SHANK2: variants seen among roughly 807,000 people sequenced by gnomAD.
SHANK2 encodes SH3 and multiple ankyrin repeat domains protein 2.
SHANK2 carries 43 observed loss-of-function variants against 133.7 expected under a neutral mutation model. The observed-to-expected ratio is 0.32, with a 90% CI of 0.25 to 0.41. The LOEUF (loss-of-function observed/expected upper bound fraction) is 0.41, where lower values mean the gene tolerates loss of function less well. SHANK2 is among the 10% of genes least tolerant of loss of function. The probability of loss-of-function intolerance (pLI) is 1.00; values close to 1 mark genes in which losing one functional copy is unlikely to be tolerated. For missense variants in SHANK2, 1,994 were observed against 2,235.8 expected (o/e 0.89, Z 2.18); for synonymous variants, 1,017 against 952.8 (o/e 1.07, Z -1.24).
chr11:70,572,784 G>A (rs782734467), intron 17 of SHANK2, among the ~76,000 whole-genome samples: 15 of 152,190 alleles, frequency 9.9e-5, no homozygotes, highest in Admixed American at 6.5e-4. Context: ...AGGCTGACCC[G>A]CCACACGTGG....
chr11:70,749,800 A>G (rs562531704), intron 14 of SHANK2, among the ~76,000 whole-genome samples: 1 of 152,364 alleles, frequency 6.6e-6, no homozygotes, highest in East Asian at 1.9e-4. Flanking sequence ...CATTTGTCTA[A>G]TCTGAAGAAG....
chr11:71,144,245 T>A (rs1555106311), intron 3 of SHANK2, among the ~76,000 whole-genome samples: 1 of 152,158 alleles, frequency 6.6e-6, no homozygotes, highest in Non-Finnish European at 1.5e-5. Flanking sequence ...CACACATAAC[T>A]AGCTACTCAT....
At chr11:70,722,902 G>C (rs1314896274) in intron 14 of SHANK2, among the ~76,000 whole-genome samples, 1 of 152,218 alleles carries the variant, frequency 6.6e-6, no homozygotes, top group East Asian at 1.9e-4. Flanking sequence ...TGAAAAAGAG[G>C]GTTTTGAAAT....
At chr11:71,079,906 G>C in intron 8 of SHANK2, among the ~76,000 whole-genome samples, 1 of 92,846 alleles carries the variant, frequency 1.1e-5, no homozygotes, top group African/African-American at 3.9e-5. Context: ...GAAGGGGAGG[G>C]GAGGGGAAGG....
intron 17 of SHANK2, among the ~76,000 whole-genome samples, chr11:70,555,640 C>T (rs933877697): frequency 7.9e-5 from 12 of 152,192 alleles, no homozygotes; most frequent in Non-Finnish European, 1.6e-4. Context: ...GGCAGTGGAT[C>T]ACTTCAGTGC....
At chr11:71,134,004 G>A (rs531508912) in intron 3 of SHANK2, among the ~76,000 whole-genome samples, 1 of 150,820 alleles carries the variant, frequency 6.6e-6, no homozygotes, top group African/African-American at 2.4e-5. Flanking sequence ...TGAGTAGCTG[G>A]GATTACAGTT....
intron 2 of SHANK2, among the ~76,000 whole-genome samples, chr11:71,201,061 G>C (rs1310109830): frequency 6.6e-6 from 1 of 152,096 alleles, no homozygotes; most frequent in Non-Finnish European, 1.5e-5. Flanking sequence ...AGCCATCAAA[G>C]AGACAGACAC....
intron 10 of SHANK2, among the ~76,000 whole-genome samples, chr11:70,932,333 T>A (rs1323560034): frequency 6.6e-6 from 1 of 152,216 alleles, no homozygotes; most frequent in African/African-American, 2.4e-5. Flanking sequence ...AAGCAAGCCC[T>A]CATCTTAGAC....
chr11:70,545,009 A>G (rs1452946430), intron 17 of SHANK2, among the ~76,000 whole-genome samples: 2 of 152,116 alleles, frequency 1.3e-5, no homozygotes, highest in African/African-American at 4.8e-5. Flanking sequence ...CTTCTCTCAC[A>G]TGCCAAGCAC....
chr11:70,524,492 C>G (rs1422925565), intron 17 of SHANK2, among the ~76,000 whole-genome samples: 1 of 152,226 alleles, frequency 6.6e-6, no homozygotes, highest in East Asian at 1.9e-4. Context: ...TTCCTTTGCT[C>G]CACATTGATC....
chr11:70,949,502 T>C (rs7396275), intron 10 of SHANK2, among the ~76,000 whole-genome samples: 32,479 of 152,226 alleles, frequency 0.21, 3,724 homozygotes, highest in Middle Eastern at 0.31. Context: ...AAACCTGAGA[T>C]GGACCAGAAT....
At chr11:70,951,241 A>G (rs184798306) in intron 10 of SHANK2, among the ~76,000 whole-genome samples, 5 of 147,570 alleles carry the variant, frequency 3.4e-5, no homozygotes, top group African/African-American at 1.3e-4. Context: ...TCATAAATTC[A>G]TTTCCCCTGG....
At chr11:70,745,294 A>G (rs782448750) in intron 14 of SHANK2, among the ~76,000 whole-genome samples, 2 of 152,046 alleles carry the variant, frequency 1.3e-5, no homozygotes, top group Non-Finnish European at 2.9e-5. Context: ...TTGCCACAGC[A>G]AGCTCGTGAT....
chr11:71,096,587 C>T (rs1373633461), intron 6 of SHANK2, among the ~76,000 whole-genome samples: 1 of 152,152 alleles, frequency 6.6e-6, no homozygotes, highest in Admixed American at 6.5e-5. Flanking sequence ...AGGGAAGTGA[C>T]TGATCCTCGA....
chr11:70,586,317 C>A (rs1331979625), intron 17 of SHANK2, among the ~76,000 whole-genome samples: 19 of 152,138 alleles, frequency 1.2e-4, no homozygotes, highest in African/African-American at 4.3e-4. Context: ...CAGGGACCCT[C>A]TGGAAGAATC....
At chr11:70,887,352 G>A (rs79616271) in intron 11 of SHANK2, among the ~76,000 whole-genome samples, 4,189 of 120,802 alleles carry the variant, frequency 0.035, 190 homozygotes, top group African/African-American at 0.12. Flanking sequence ...ACCAAACAGA[G>A]GTCCCATTTA....
At chr11:70,562,781 C>T (rs2059921791) in intron 17 of SHANK2, among the ~76,000 whole-genome samples, 1 of 152,164 alleles carries the variant, frequency 6.6e-6, no homozygotes, top group Admixed American at 6.5e-5. Flanking sequence ...TTAACTCTGT[C>T]CTCTTTCCAT....
At chr11:70,887,241 T>C (rs1231005763) in intron 11 of SHANK2, among the ~76,000 whole-genome samples, 3 of 151,826 alleles carry the variant, frequency 2.0e-5, no homozygotes, top group African/African-American at 7.2e-5. Flanking sequence ...TGGGCTCATT[T>C]ACTTGGCCGG....
intron 2 of SHANK2, among the ~76,000 whole-genome samples, chr11:71,189,968 G>A (rs574926660): frequency 7.2e-5 from 11 of 152,346 alleles, no homozygotes; most frequent in East Asian, 1.9e-4. Context: ...CTCCGAGCAC[G>A]AGGGCCCAGC....
Sources: allele counts gnomAD v4.1 joint callset (sites outside exome capture counted in the v4.1 genomes callset), GRCh38; gene constraint gnomAD v4.1.1; transcripts MANE v1.5; gene names NCBI Gene and HGNC (gene_info 2026-07-23, HGNC 2026-07-21).